Variants in TMEM175 observed in about 807,000 individuals in gnomAD.
TMEM175 encodes transmembrane protein 175, also known as endosomal/lysosomal proton channel TMEM175.
A neutral mutation model predicts 36.5 loss-of-function variants in TMEM175; 36 were observed. The observed-to-expected ratio is 0.99, with a 90% CI of 0.76 to 1.30. The LOEUF (loss-of-function observed/expected upper bound fraction) is 1.30, where lower values mean the gene tolerates loss of function less well. TMEM175 is among the 50% of genes most tolerant of loss of function. The probability of loss-of-function intolerance (pLI) is 0.00; values close to 1 mark genes in which losing one functional copy is unlikely to be tolerated. For synonymous variants in TMEM175, 339 were observed against 313.4 expected, an observed-to-expected ratio of 1.08 and a Z score of -0.86; for missense variants, 705 against 692.8, an observed-to-expected ratio of 1.02 and a Z score of -0.20.
At chr4:947,468 A>C (rs1210022667) in intron 1 of TMEM175, among the ~76,000 whole-genome samples, 1 of 152,132 alleles carries the variant, frequency 6.6e-6, no homozygotes, top group Non-Finnish European at 1.5e-5. Flanking sequence ...GGCCCAGTCC[A>C]CCCAGATCAG....
Position 958,470 on chromosome 4 carries a change from TC to T in TMEM175, c.1492del (p.Gln498SerfsTer?). On this transcript the variant is annotated frameshift_variant, in exon 11 of 11. Transcript: ENST00000264771. LOFTEE classifies it high-confidence loss of function. ...PAPTGQDDPQ[S>X]QLLPAPC Reference sequence around the variant, plus strand: ...CCCCACGGGCCAGGACGACCCACAGTCCCAGCTCCTCCCTGCCCCCTGCTAG... The same window carrying T: ...CCCCACGGGCCAGGACGACCCACAGTCCAGCTCCTCCCTGCCCCCTGCTAG... 6.4e-7 allele frequency: 1 copy of T among 1,558,536 alleles called. No homozygotes were observed.
chr4:956,425 G>A lies in TMEM175; in HGVS notation c.842+535G>A, dbSNP rs533501475. On this transcript the variant is annotated intron_variant, in intron 10 of 10. Transcript: ENST00000264771. The stretch of plus-strand genomic sequence containing the variant: ...GCGCGCGTCTCGTCTCAGTCGTCAC[G>A]TTTTTGGTTTTTGTGGGGTTTTTTT... The A allele has an allele frequency of 3.5e-4, 452 of 1,278,960 alleles. 4 individuals are homozygous for A. The South Asian group carries it at 3.6e-3, about 10-fold the overall frequency. The allele number at this position is 1,278,960 out of a possible 1,614,324, so 79.2% of individuals were successfully genotyped here.
At position 951,930 on chromosome 4, in the gene TMEM175, C is replaced by T. The variant is rs1263889558; in HGVS notation, c.378+213C>T. 19 of 609,312 alleles carry T rather than the reference C, an allele frequency of 3.1e-5. No homozygotes were observed. The East Asian group carries it at 4.4e-4, about 14-fold the overall frequency. 37.7% of individuals were successfully genotyped at this position (609,312 alleles called of 1,614,324 possible). ...GGCAGTGGCCCCGATGAGGGAGTCA[C>T]CGGCGCTCCCAGCTCCCACCCGGCC... On this transcript the variant is annotated intron_variant, in intron 6 of 10. Coordinates refer to ENST00000264771, the MANE Select transcript of TMEM175 (RefSeq NM_032326.4).
At chr4:947,206 T>C (rs1247275174) in intron 1 of TMEM175, among the ~76,000 whole-genome samples, 2 of 131,888 alleles carry the variant, frequency 1.5e-5, no homozygotes, top group Non-Finnish European at 3.1e-5. Context: ...GCGGCCCCTG[T>C]AGAGAACAGA....
At chr4:938,107 G>GT (rs1727003607) in intron 1 of TMEM175, among the ~76,000 whole-genome samples, 1 of 152,166 alleles carries the variant, frequency 6.6e-6, no homozygotes, top group African/African-American at 2.4e-5. Flanking sequence ...AAGACTGAAT[G>GT]TTTTCCCCCT....
rs759724119 is a variant in TMEM175 at position 953,335 on chromosome 4, C to T, written c.608C>T (p.Ser203Phe). Reference sequence around the variant, plus strand: ...CTGTGCTTTGCAGCGGCCATCTTCTCTCTCTTCTTTGTCCCCTTGGTGAGT... The same window carrying T: ...CTGTGCTTTGCAGCGGCCATCTTCTTTCTCTTCTTTGTCCCCTTGGTGAGT... ...PALCFAAAIF[S>F]LFFVPLSYLL... Residue 203 changes from serine (S) to phenylalanine (F), a missense_variant, in exon 8 of 11, where the codon TCT becomes TTT. Physicochemically the swap from Ser to Phe is radical, Grantham distance 155 (BLOSUM62 -2). Coordinates refer to ENST00000264771, the MANE Select transcript of TMEM175 (RefSeq NM_032326.4). 1 of 1,613,144 alleles carries T rather than the reference C, an allele frequency of 6.2e-7. No homozygotes were observed. Among genetic ancestry groups the T allele is most frequent in the Non-Finnish European group, 8.5e-7 (1 of 1,179,468 alleles).
intron 1 of TMEM175, among the ~76,000 whole-genome samples, chr4:943,576 A>T: frequency 6.6e-6 from 1 of 152,160 alleles, no homozygotes; most frequent in East Asian, 1.9e-4. Context: ...AGCTGTGCCA[A>T]ACTGAGTACC....
intron 2 of TMEM175, 55 bp downstream of exon 2, chr4:947,947 GC>G (rs765850989): frequency 6.2e-6 from 10 of 1,613,134 alleles, no homozygotes; most frequent in Non-Finnish European, 8.5e-6. Context: ...TCGAGGCACT[GC>G]CCAGCCCACC....
At chr4:946,731 G>A (rs947017841) in intron 1 of TMEM175, among the ~76,000 whole-genome samples, 2 of 152,198 alleles carry the variant, frequency 1.3e-5, no homozygotes, top group African/African-American at 2.4e-5. Context: ...TGTGCACCCA[G>A]CCCCGGCTCC....
At chr4:954,991 T>TA (rs561204628) in intron 8 of TMEM175, among the ~76,000 whole-genome samples, 79 of 152,330 alleles carry the variant, frequency 5.2e-4, no homozygotes, top group African/African-American at 1.7e-3. Context: ...AGATAGACGA[T>TA]AAATTTTAAG....
rs1426753041 is a variant in TMEM175, at chr4:958,609, G to A, written c.*113G>A. ...GGCCGCAGTGGTTCTTGCGTGGCCT[G>A]GTTTTATTTTCATTGTGAAATATCA... is the stretch of plus-strand genomic sequence containing the variant. On this transcript the variant is annotated 3_prime_UTR_variant, in exon 11 of 11. Coordinates refer to ENST00000264771, the MANE Select transcript of TMEM175 (RefSeq NM_032326.4). The A allele has an allele frequency of 8.3e-6, 7 of 841,912 alleles. No individual in the cohort carries two copies. Among genetic ancestry groups the A allele is most frequent in the Non-Finnish European group, 1.1e-5 (6 of 563,274 alleles). The allele number at this position is 841,912 out of a possible 1,614,324, so 52.2% of individuals were successfully genotyped here. A position where few individuals can be genotyped will look rare whatever the true frequency, so the allele number is the denominator to read the frequency against.
intron 1 of TMEM175, among the ~76,000 whole-genome samples, chr4:935,193 G>C (rs1236572968): frequency 6.6e-6 from 1 of 152,196 alleles, no homozygotes; most frequent in Non-Finnish European, 1.5e-5. Flanking sequence ...ACCAGAGTCA[G>C]ACTACTTATC....
At chr4:942,151 C>T (rs749893024) in intron 1 of TMEM175, among the ~76,000 whole-genome samples, 10 of 151,898 alleles carry the variant, frequency 6.6e-5, no homozygotes, top group East Asian at 5.8e-4. Context: ...CTCCGCCTCC[C>T]GGGTTCAAGC....
At chr4:937,127 CA>C (rs1726885753) in intron 1 of TMEM175, among the ~76,000 whole-genome samples, 2 of 151,938 alleles carry the variant, frequency 1.3e-5, no homozygotes, top group South Asian at 4.2e-4. Flanking sequence ...TGTATCAGAA[CA>C]TGTACCCCAT....
In TMEM175 at chr4:947,798, G is replaced by A. The variant is rs1253919025; in HGVS notation, c.59G>A (p.Gly20Asp). The A allele has an allele frequency of 6.2e-7, 1 of 1,613,014 alleles. No individual in the cohort carries two copies. Among genetic ancestry groups the A allele is most frequent in the Non-Finnish European group, 8.5e-7 (1 of 1,179,998 alleles). ...ALDTPGDCPP[G>D]RRDEDAGEGI... is the part of the protein sequence containing the mutation. ...GATACACCGGGGGACTGCCCCCCAG[G>A]CAGGAGAGACGAGGACGCTGGGGAG... Residue 20 changes from glycine (G) to aspartate (D), a missense_variant, in exon 2 of 11, where the codon GGC (glycine) becomes GAC (aspartate). Transcript: ENST00000264771.
At chr4:951,324 G>A (rs756623349) in intron 5 of TMEM175, 66 bp downstream of exon 5, 23 of 1,577,760 alleles carry the variant, frequency 1.5e-5, no homozygotes, top group Non-Finnish European at 1.9e-5. Context: ...CAGGGAAGAG[G>A]GGAAGGGAGC....
rs749436714 is a variant in TMEM175 at position 947,878 on chromosome 4, A to G, written c.139A>G (p.Ile47Val). The change falls in exon 2 of 11, where the codon ATC becomes GTC. Residue 47 changes from isoleucine (I) to valine (V), a missense_variant. Ile to Val is a conservative substitution (Grantham distance 29). Coordinates refer to ENST00000264771, the MANE Select transcript of TMEM175 (RefSeq NM_032326.4). ...LSFSDALLSIIATVMILPVTH... is the reference protein window; with the variant it reads ...LSFSDALLSIVATVMILPVTH... ...CTTCAGTGACGCCCTGCTGTCCATC[A>G]TCGCCACCGTCATGGTCTGTACGGG... The G allele has an allele frequency of 1.9e-6, 3 of 1,613,682 alleles. No homozygotes were observed. The highest frequency in any genetic ancestry group is 2.7e-5 in the African/African-American group (2 of 75,006).
intron 7 of TMEM175, 112 bp downstream of exon 7, chr4:952,562 A>AGT (rs1448858298): frequency 5.9e-6 from 5 of 850,402 alleles, no homozygotes; most frequent in Admixed American, 4.8e-5. Context: ...GGGGGCCTGC[A>AGT]CTGTGTGTGT....
In TMEM175 at chr4:951,094, AAC is replaced by A. The variant is rs1728835151; in HGVS notation, c.291-111_291-110del. On this transcript the variant is annotated intron_variant, in intron 4 of 10. Coordinates refer to ENST00000264771, the MANE Select transcript of TMEM175 (RefSeq NM_032326.4). ...ACTAGGTAGTAGTTTATATTTGGTTAACAGTGACATCTTTTAATGATGTTTTA... is the reference window on the plus strand; with the variant it reads ...ACTAGGTAGTAGTTTATATTTGGTTAAGTGACATCTTTTAATGATGTTTTA... 4.7e-6 allele frequency: 5 copies of A among 1,071,534 alleles called. No individual in the cohort carries two copies. In the African/African-American group the frequency reaches 4.7e-5, roughly 10 times the overall value. 66.4% of individuals were successfully genotyped at this position (1,071,534 alleles called of 1,614,324 possible).
Sources: allele counts gnomAD v4.1 joint callset (sites outside exome capture counted in the v4.1 genomes callset), GRCh38; gene constraint gnomAD v4.1.1; transcripts MANE v1.5; gene names NCBI Gene and HGNC (gene_info 2026-07-23, HGNC 2026-07-21).